Variants in BRD4 observed in about 807,000 individuals in gnomAD.
BRD4 encodes bromodomain-containing protein 4.
A neutral mutation model predicts 142.1 loss-of-function variants in BRD4; 16 were observed. That is an observed-to-expected ratio of 0.11 (90% CI 0.08 to 0.17). BRD4 has a LOEUF of 0.17. Ranked by LOEUF, BRD4 falls within the 10% of genes least tolerant of loss-of-function variation. The pLI is 1.00. For missense variants in BRD4, 1,424 were observed against 1,810.9 expected, an observed-to-expected ratio of 0.79 and a Z score of 3.88; for synonymous variants, 833 against 707.5, an observed-to-expected ratio of 1.18 and a Z score of -2.82.
At chr19:15,252,381 G>T (rs1205534212) in intron 11 of BRD4, among the ~76,000 whole-genome samples, 1 of 152,232 alleles carries the variant, frequency 6.6e-6, no homozygotes, top group African/African-American at 2.4e-5. Context: ...ATCCTCAGAT[G>T]AGAAGACTAC....
At chr19:15,288,350 T>C (rs1352586939) in intron 1 of BRD4, among the ~76,000 whole-genome samples, 1 of 152,146 alleles carries the variant, frequency 6.6e-6, no homozygotes, top group Non-Finnish European at 1.5e-5. Flanking sequence ...CAGGCTGCAG[T>C]GAGCTATGAT....
In BRD4 at chr19:15,239,532, A is replaced by C; in HGVS notation, c.3446-10T>G. ...GGCTTCATTTCCGGCCCTGGAACAT[A>C]AACAGCCGGTGGGCCCTGGCCCACC... On this transcript the variant is annotated splice_polypyrimidine_tract_variant and intron_variant, in intron 16 of 19. Coordinates refer to ENST00000679869, the MANE Select transcript of BRD4 (RefSeq NM_001379291.1). The surrounding 1 kb of genome is among the most constrained non-coding windows in gnomAD (Gnocchi z 7.4). The C allele has an allele frequency of 3.1e-6, 5 of 1,607,964 alleles. No individual in the cohort carries two copies. The highest frequency in any genetic ancestry group is 4.2e-6 in the Non-Finnish European group (5 of 1,177,666).
intron 1 of BRD4, among the ~76,000 whole-genome samples, chr19:15,311,461 TGCTTAGTGAA>T (rs1293449068): frequency 1.3e-5 from 2 of 152,024 alleles, no homozygotes; most frequent in Non-Finnish European, 2.9e-5. Flanking sequence ...CAGGTTATTA[TGCTTAGTGAA>T]GTAAGCCAGT....
chr19:15,254,307 A>C (rs1404766234), intron 10 of BRD4, 45 bp from the exon 11 acceptor site: 3 of 1,539,200 alleles, frequency 1.9e-6, no homozygotes, highest in Non-Finnish European at 1.8e-6. Context: ...GCTGTGGCCC[A>C]GGAAGCCGCT....
At chr19:15,280,294 G>A in intron 1 of BRD4, 2 of 1,010,432 alleles carry the variant, frequency 2.0e-6, no homozygotes, top group Non-Finnish European at 2.4e-6. Context: ...ACAAGGGGCA[G>A]AGGCCCAGTC....
intron 1 of BRD4, among the ~76,000 whole-genome samples, chr19:15,321,500 T>G (rs957512935): frequency 1.3e-5 from 2 of 151,818 alleles, no homozygotes; most frequent in Admixed American, 1.3e-4. Context: ...TGATCCAACC[T>G]AGAATCCACT....
At chr19:15,273,167 C>CA in intron 1 of BRD4, 34 bp from the exon 2 acceptor site, 1 of 1,516,114 alleles carries the variant, frequency 6.6e-7, no homozygotes, top group Non-Finnish European at 8.8e-7. Context: ...CGTGAGATAT[C>CA]AGTCAGCAGA....
chr19:15,319,606 CCT>C (rs1231764843), intron 1 of BRD4, among the ~76,000 whole-genome samples: 1 of 149,966 alleles, frequency 6.7e-6, no homozygotes, highest in African/African-American at 2.5e-5. Context: ...AGAGCAAGAC[CCT>C]GTCTTAAAAA....
At chr19:15,315,809 T>TCA (rs1236545966) in intron 1 of BRD4, among the ~76,000 whole-genome samples, 1 of 149,192 alleles carries the variant, frequency 6.7e-6, no homozygotes, top group African/African-American at 2.5e-5. Context: ...TGAGCTGAGA[T>TCA]CACACCACTG....
chr19:15,275,276 T>C (rs562427276), intron 1 of BRD4, among the ~76,000 whole-genome samples: 1 of 152,312 alleles, frequency 6.6e-6, no homozygotes, highest in South Asian at 2.1e-4. Context: ...CACCCCTCCC[T>C]AGCCAGCCAG....
At chr19:15,285,591 G>T (rs568460193) in intron 1 of BRD4, among the ~76,000 whole-genome samples, 1 of 152,138 alleles carries the variant, frequency 6.6e-6, no homozygotes, top group Non-Finnish European at 1.5e-5. Context: ...ATCTAAGGAT[G>T]TAGAAATAAG....
At chr19:15,286,433 G>A (rs962597573) in intron 1 of BRD4, among the ~76,000 whole-genome samples, 2 of 152,200 alleles carry the variant, frequency 1.3e-5, no homozygotes, top group African/African-American at 4.8e-5. Context: ...GCTGCTGCAC[G>A]GAGGAAGTGA....
chr19:15,325,923 G>A (rs1489948075), intron 1 of BRD4, among the ~76,000 whole-genome samples: 14 of 149,478 alleles, frequency 9.4e-5, no homozygotes, highest in African/African-American at 2.5e-4. Context: ...ACTTGAACCC[G>A]GGAGGCAGAG....
intron 1 of BRD4, among the ~76,000 whole-genome samples, chr19:15,296,504 C>T (rs977872966): frequency 1.3e-5 from 2 of 152,166 alleles, no homozygotes; most frequent in African/African-American, 4.8e-5. Flanking sequence ...AGATTAGCCA[C>T]GATGGTCAGC....
rs1372643982 is a variant in BRD4 at position 15,254,872 on chromosome 19, A to G, written c.2047+425T>C. 2.0e-5 allele frequency among the ~76,000 whole-genome samples: 3 copies of G among 152,260 alleles called. No individual in the cohort carries two copies. The East Asian group carries it at 5.8e-4, about 30-fold the overall frequency. ...AAAGAGCTGCCTGGAAGAGTCCAGA[A>G]AGGATGCCACACCGAACTGTCCCTG... On this transcript the variant is annotated intron_variant, in intron 10 of 19. Transcript: ENST00000679869.
At chr19:15,254,345 TGGAG>T in intron 10 of BRD4, 83 bp from the exon 11 acceptor site, 1 of 1,195,448 alleles carries the variant, frequency 8.4e-7, no homozygotes, top group Non-Finnish European at 1.2e-6. Context: ...CCCATCCATC[TGGAG>T]GAAGGACCAG....
At chr19:15,302,476 C>T (rs982878211) in intron 1 of BRD4, among the ~76,000 whole-genome samples, 1 of 152,080 alleles carries the variant, frequency 6.6e-6, no homozygotes, top group African/African-American at 2.4e-5. Flanking sequence ...CAAGGCCAGC[C>T]TGGCCAACAT....
chr19:15,280,548 A>G (rs1221870528), intron 1 of BRD4: 1 of 681,156 alleles, frequency 1.5e-6, no homozygotes, highest in Non-Finnish European at 1.8e-6. Context: ...GTGAAATCTA[A>G]AACATACCAC....
At chr19:15,264,793 C>T (rs2145600883) in intron 5 of BRD4, 27 bp from the exon 6 acceptor site, 2 of 1,576,340 alleles carry the variant, frequency 1.3e-6, no homozygotes, top group African/African-American at 1.3e-5. Context: ...CGCCAACAGG[C>T]ACAGTCAGAA....
Sources: gnomAD v4.1 joint callset for allele counts (sites outside exome capture counted in the v4.1 genomes callset) on GRCh38, gnomAD v4.1.1 for gene constraint, Gnocchi (gnomAD v3.1) non-coding constraint, MANE v1.5 for transcripts, NCBI Gene and HGNC (gene_info 2026-07-23, HGNC 2026-07-21) for gene names.